ERICH5: variants seen among roughly 807,000 people sequenced by gnomAD.
ERICH5 encodes glutamate rich 5, also known as glutamate-rich protein 5.
Under a neutral mutation model 28.0 loss-of-function variants are expected in ERICH5, and 24 were observed. That is an observed-to-expected ratio of 0.86 (90% CI 0.62 to 1.21). ERICH5 has a LOEUF of 1.21. Ranked by LOEUF, ERICH5 falls within the 50% of genes most tolerant of loss-of-function variation. The pLI, the probability that ERICH5 is intolerant of heterozygous loss-of-function variation, is 0.00. For synonymous variants in ERICH5, 163 were observed against 157.6 expected, an observed-to-expected ratio of 1.03 and a Z score of -0.25; for missense variants, 421 against 441.2, an observed-to-expected ratio of 0.95 and a Z score of 0.41.
In ERICH5 at chr8:98,089,480, G is replaced by C; in HGVS notation, c.463G>C (p.Glu155Gln). The change falls in exon 2 of 3, where the codon GAA becomes CAA. Residue 155 changes from glutamate to glutamine, a missense_variant. Glu to Gln is a conservative substitution (Grantham distance 29, BLOSUM62 2). Coordinates refer to ENST00000318528, the MANE Select transcript of ERICH5 (RefSeq NM_173549.3). The stretch of plus-strand genomic sequence containing the variant: ...TGCTGAAGCTCAGCCTTTAGGACCA[G>C]AAGCCAAGGGTCAGCCTTTGCAGGC... The part of the protein sequence containing the change: ...GNAEAQPLGP[E>Q]AKGQPLQAAV... 6.2e-7 allele frequency: 1 copy of C among 1,614,222 alleles called. No homozygotes were observed. The highest frequency in any genetic ancestry group is 8.5e-7 in the Non-Finnish European group (1 of 1,180,036).
intron 1 of ERICH5, among the ~76,000 whole-genome samples, chr8:98,085,644 A>G (rs1430018078): frequency 1.3e-5 from 2 of 152,190 alleles, no homozygotes; most frequent in African/African-American, 4.8e-5. Context: ...ATGTATATTT[A>G]TTTAACTTTT....
chr8:98,070,027 G>A (rs1814883183), intron 1 of ERICH5, among the ~76,000 whole-genome samples: 1 of 152,084 alleles, frequency 6.6e-6, no homozygotes, highest in Non-Finnish European at 1.5e-5. Flanking sequence ...GCTAGAAAAC[G>A]AAGCTTAATA....
At chr8:98,086,257 A>C (rs1287272861) in intron 1 of ERICH5, among the ~76,000 whole-genome samples, 2 of 152,200 alleles carry the variant, frequency 1.3e-5, no homozygotes, top group Non-Finnish European at 2.9e-5. Context: ...AACTCACTTA[A>C]CATGCCAAGG....
chr8:98,070,084 C>G (rs77628368), intron 1 of ERICH5, among the ~76,000 whole-genome samples: 4,313 of 152,092 alleles, frequency 0.028, 190 homozygotes, highest in African/African-American at 0.097. Context: ...GTCTAGTAAG[C>G]CTACTTACTA....
At chr8:98,077,950 C>T (rs534284575) in intron 1 of ERICH5, among the ~76,000 whole-genome samples, 23 of 152,114 alleles carry the variant, frequency 1.5e-4, no homozygotes, top group Non-Finnish European at 2.9e-4. Context: ...ATGATCAAAA[C>T]GAATTCTAGA....
chr8:98,087,479 A>G (rs1373538417), intron 1 of ERICH5, among the ~76,000 whole-genome samples: 3 of 152,192 alleles, frequency 2.0e-5, no homozygotes, highest in Non-Finnish European at 2.9e-5. Flanking sequence ...CTTTGGGAAA[A>G]AAGAAAAGAA....
chr8:98,070,790 G>A (rs72678761), intron 1 of ERICH5, among the ~76,000 whole-genome samples: 14,132 of 151,868 alleles, frequency 0.093, 926 homozygotes, highest in Admixed American at 0.19. Context: ...CGGGGATTCA[G>A]GGAGGTAAGA....
intron 1 of ERICH5, among the ~76,000 whole-genome samples, chr8:98,073,468 A>C (rs879692439): frequency 6.6e-3 from 13 of 1,964 alleles, no homozygotes; most frequent in Admixed American, 0.013. Flanking sequence ...ATGTATATAT[A>C]TATATATATA....
Position 98,064,708 on chromosome 8 carries a change from C to A in ERICH5, c.39C>A (p.Asp13Glu), listed in dbSNP as rs1223953429. ...CSSSALNKAG[D>E]SSRFPSVTSN... Reference sequence around the variant, plus strand: ...GCAGCGCCCTCAACAAGGCCGGCGACAGCAGCAGGTTCCCCAGCGGTGAGC... The same window carrying A: ...GCAGCGCCCTCAACAAGGCCGGCGAAAGCAGCAGGTTCCCCAGCGGTGAGC... The change falls in exon 1 of 3, where the codon GAC becomes GAA. Residue 13 changes from aspartate to glutamate, a missense_variant. Asp to Glu is a conservative substitution (Grantham distance 45, BLOSUM62 2). Coordinates refer to ENST00000318528, the MANE Select transcript of ERICH5 (RefSeq NM_173549.3). The A allele has an allele frequency of 6.5e-7, 1 of 1,534,800 alleles. No individual in the cohort carries two copies. Among genetic ancestry groups the A allele is most frequent in the Admixed American group, 2.0e-5 (1 of 51,012 alleles).
chr8:98,082,797 AGAGGTT>A (rs1488590444), intron 1 of ERICH5, among the ~76,000 whole-genome samples: 6 of 152,140 alleles, frequency 3.9e-5, no homozygotes, highest in African/African-American at 1.4e-4. Context: ...CTTGAACCTG[AGAGGTT>A]GAGGCTGCAG....
chr8:98,073,452 AT>A lies in ERICH5; in HGVS notation c.58+8726del, dbSNP rs1814967274. On this transcript the variant is annotated intron_variant, in intron 1 of 2. Coordinates refer to ENST00000318528, the MANE Select transcript of ERICH5 (RefSeq NM_173549.3). ...TCTCTCTATATATATATATATATAT[AT>A]ATATATGTATATATATATATATATA... Among the ~76,000 whole-genome samples, 3 of 11,074 alleles carry A rather than the reference AT, an allele frequency of 2.7e-4. 1 individual carries two copies. In the East Asian group the frequency reaches 0.033, roughly 123 times the overall value. The allele number at this position is 11,074 out of a possible 152,430, so 7.3% of individuals were successfully genotyped here. A position where few individuals can be genotyped will look rare whatever the true frequency, so the allele number is the denominator to read the frequency against.
chr8:98,074,002 C>T (rs943531177), intron 1 of ERICH5, among the ~76,000 whole-genome samples: 6 of 150,762 alleles, frequency 4.0e-5, no homozygotes, highest in East Asian at 1.9e-4. Flanking sequence ...ACTGAAGCCT[C>T]GACCTCCCAC....
rs189996452 is a variant in ERICH5, at chr8:98,065,306, C to G, written c.58+579C>G. ...TCAGCATCAAAGATGGCAAAAGATG[C>G]GGAGAATCCAGAGGAGCATTCACTC... On this transcript the variant is annotated intron_variant, in intron 1 of 2. Coordinates refer to ENST00000318528, the MANE Select transcript of ERICH5 (RefSeq NM_173549.3). Among the ~76,000 whole-genome samples, 104 of 152,320 alleles carry G rather than the reference C, an allele frequency of 6.8e-4. 1 individual carries two copies. Among genetic ancestry groups the G allele is most frequent in the African/African-American group, 2.4e-3 (99 of 41,576 alleles).
rs1412108911 is a variant in ERICH5 at position 98,079,322 on chromosome 8, C to T, written c.59-9754C>T. On this transcript the variant is annotated intron_variant, in intron 1 of 2. Coordinates refer to ENST00000318528, the MANE Select transcript of ERICH5 (RefSeq NM_173549.3). ...AGTAGCAGGGACTACAGGTGCATGCCACCATGCCCAGCTAATCCAAATCTT... is the reference window on the plus strand; with the variant it reads ...AGTAGCAGGGACTACAGGTGCATGCTACCATGCCCAGCTAATCCAAATCTT... 4.6e-5 allele frequency among the ~76,000 whole-genome samples: 7 copies of T among 151,860 alleles called. No individual in the cohort carries two copies. The East Asian group carries it at 1.4e-3, about 29-fold the overall frequency.
chr8:98,088,979 A>T, intron 1 of ERICH5, 97 bp from the exon 2 acceptor site: 1 of 914,404 alleles, frequency 1.1e-6, no homozygotes, highest in Non-Finnish European at 1.6e-6. Context: ...TTGAACTGTT[A>T]AATCTACTTT....
At chr8:98,082,513 C>T (rs1212863135) in intron 1 of ERICH5, among the ~76,000 whole-genome samples, 1 of 151,856 alleles carries the variant, frequency 6.6e-6, no homozygotes, top group Non-Finnish European at 1.5e-5. Flanking sequence ...GGTGTGGTGG[C>T]GCATGCCTAT....
rs372150799 is a variant in ERICH5 at position 98,073,403 on chromosome 8, C to CCTCTCTCT, written c.58+8699_58+8706dup. ...ACCAGCCTAACCAACATAGTGAGAC[C>CCTCTCTCT]CTCTCTCTCTCTCTCTCTCTCTCTC... is the stretch of plus-strand genomic sequence containing the variant. On this transcript the variant is annotated intron_variant, in intron 1 of 2. Coordinates refer to ENST00000318528, the MANE Select transcript of ERICH5 (RefSeq NM_173549.3). Among the ~76,000 whole-genome samples the CCTCTCTCT allele has an allele frequency of 1.9e-4, 5 of 26,848 alleles. 1 individual carries two copies. Among genetic ancestry groups the CCTCTCTCT allele is most frequent in the African/African-American group, 9.2e-4 (4 of 4,362 alleles). The allele number at this position is 26,848 out of a possible 152,430, so 17.6% of individuals were successfully genotyped here.
intron 1 of ERICH5, among the ~76,000 whole-genome samples, chr8:98,076,605 A>C (rs1005454738): frequency 6.6e-6 from 1 of 152,158 alleles, no homozygotes; most frequent in Non-Finnish European, 1.5e-5. Context: ...AGACCACACT[A>C]AGATAGGCAG....
chr8:98,081,066 G>A (rs572092921), intron 1 of ERICH5, among the ~76,000 whole-genome samples: 3 of 151,766 alleles, frequency 2.0e-5, no homozygotes, highest in East Asian at 1.9e-4. Context: ...TTACTTTTCT[G>A]TTTGTACATC....
Sources: allele counts gnomAD v4.1 joint callset (sites outside exome capture counted in the v4.1 genomes callset), GRCh38; gene constraint gnomAD v4.1.1; transcripts MANE v1.5; gene names NCBI Gene and HGNC (gene_info 2026-07-23, HGNC 2026-07-21).